POU2F1: variants seen among roughly 807,000 people sequenced by gnomAD.
The protein encoded by POU2F1 is POU class 2 homeobox 1.
POU2F1 carries 16 observed loss-of-function variants against 84.9 expected under a neutral mutation model. The observed-to-expected ratio is 0.19, with a 90% CI of 0.13 to 0.29. POU2F1 has a LOEUF of 0.29. Among genes scored for constraint, POU2F1 ranks in the 10% least tolerant of loss-of-function variants. The pLI, the probability that POU2F1 is intolerant of heterozygous loss-of-function variation, is 1.00. For missense variants in POU2F1, 738 were observed against 942.6 expected, an observed-to-expected ratio of 0.78 and a Z score of 2.84; for synonymous variants, 368 against 368.3, an observed-to-expected ratio of 1.00 and a Z score of 0.01.
chr1:167,221,302 C>G (rs1327397004), intron 1 of POU2F1, among the ~76,000 whole-genome samples: 1 of 150,712 alleles, frequency 6.6e-6, no homozygotes, highest in African/African-American at 2.4e-5. Flanking sequence ...GTGCCCGAAC[C>G]CGAGCGGGTC....
In POU2F1 at chr1:167,230,482, G is replaced by T. The variant is rs573602402; in HGVS notation, c.61+9524G>T. ...GTTCTGATTAAAATTGGATATTGGA[G>T]CAAGAAAAGCATTTTCCTCCTCCTT... On this transcript the variant is annotated intron_variant, in intron 1 of 15. Transcript: ENST00000367866. Among the ~76,000 whole-genome samples the T allele has an allele frequency of 2.0e-5, 3 of 152,198 alleles. No individual in the cohort carries two copies. The East Asian group carries it at 5.8e-4, about 29-fold the overall frequency.
At position 167,376,050 on chromosome 1, in the gene POU2F1, C is replaced by T; in HGVS notation, c.613C>T (p.Leu205Phe). The T allele has an allele frequency of 6.2e-7, 1 of 1,614,222 alleles. No homozygotes were observed. Among genetic ancestry groups the T allele is most frequent in the Non-Finnish European group, 8.5e-7 (1 of 1,180,016 alleles). ...IAQDLQQLQQ[L>F]QQQNLNLQQF... is the part of the protein sequence containing the mutation. ...TCAGGATCTTCAACAACTGCAACAG[C>T]TTCAACAGCAGAATCTCAACCTGCA... The change falls in exon 7 of 16, where the codon CTT becomes TTT. Residue 205 changes from leucine to phenylalanine, a missense_variant. Coordinates refer to ENST00000367866, the MANE Select transcript of POU2F1 (RefSeq NM_002697.4).
intron 1 of POU2F1, among the ~76,000 whole-genome samples, chr1:167,269,913 C>CA (rs34112150): frequency 0.51 from 66,382 of 129,750 alleles, 16,764 homozygotes; most frequent in East Asian, 0.71. Context: ...GTCTCTGTCT[C>CA]AAAAAAAAAA....
intron 3 of POU2F1, among the ~76,000 whole-genome samples, chr1:167,369,406 T>C (rs979335325): frequency 5.3e-5 from 8 of 152,214 alleles, no homozygotes; most frequent in African/African-American, 1.9e-4. Context: ...ATTGGAGACA[T>C]AGCTGAGAAT....
chr1:167,245,301 G>A (rs193146203), intron 1 of POU2F1, among the ~76,000 whole-genome samples: 21 of 150,902 alleles, frequency 1.4e-4, no homozygotes, highest in Admixed American at 2.0e-4. Context: ...GAATGCAAGT[G>A]GCATGATCGT....
intron 1 of POU2F1, among the ~76,000 whole-genome samples, chr1:167,230,663 T>G (rs1447791072): frequency 6.6e-6 from 1 of 152,216 alleles, no homozygotes; most frequent in Non-Finnish European, 1.5e-5. Flanking sequence ...CTGTCATACT[T>G]TCTCTGAAAT....
chr1:167,353,585 C>A (rs1277722704), intron 2 of POU2F1, among the ~76,000 whole-genome samples: 1 of 152,154 alleles, frequency 6.6e-6, no homozygotes, highest in Non-Finnish European at 1.5e-5. Flanking sequence ...ATCATCCTCA[C>A]GCTGTCCCGC....
At chr1:167,367,761 CAT>C (rs1659774384) in intron 3 of POU2F1, among the ~76,000 whole-genome samples, 1 of 151,790 alleles carries the variant, frequency 6.6e-6, no homozygotes, top group East Asian at 1.9e-4. Context: ...TTGCTTTTAC[CAT>C]ATGTGTATAT....
chr1:167,400,671 C>G (rs1649144619), intron 12 of POU2F1, among the ~76,000 whole-genome samples: 1 of 152,118 alleles, frequency 6.6e-6, no homozygotes, highest in African/African-American at 2.4e-5. Flanking sequence ...GTATGACTCC[C>G]TTGGTTTTTA....
rs1660177162 is a variant in POU2F1, at chr1:167,374,152, A to C, written c.447A>C (p.Ala149=). 1 of 1,613,946 alleles carries C rather than the reference A, an allele frequency of 6.2e-7. No homozygotes were observed. Among genetic ancestry groups the C allele is most frequent in the African/African-American group, 1.3e-5 (1 of 74,906 alleles). The stretch of plus-strand genomic sequence containing the variant: ...AGCAACAGTTACTACTCCAGCAGGC[A>C]CAGGCACAGGCACAGCTGCTGGCTG... ...PAQQQLLLQQ[A]QAQAQLLAAA... The change falls in exon 6 of 16, where the codon GCA becomes GCC. Residue 149 remains alanine, a synonymous_variant. Coordinates refer to ENST00000367866, the MANE Select transcript of POU2F1 (RefSeq NM_002697.4).
At chr1:167,322,593 C>A (rs1037425814) in intron 1 of POU2F1, among the ~76,000 whole-genome samples, 2 of 152,176 alleles carry the variant, frequency 1.3e-5, no homozygotes, top group African/African-American at 4.8e-5. Context: ...CAGAAATGCC[C>A]CGGTTTGGGC....
At chr1:167,255,000 G>C (rs750741769) in intron 1 of POU2F1, among the ~76,000 whole-genome samples, 1 of 152,216 alleles carries the variant, frequency 6.6e-6, no homozygotes, top group African/African-American at 2.4e-5. Context: ...ATCTGTTTGT[G>C]AAGCTTTTTC....
At chr1:167,270,916 A>G (rs1007227086) in intron 1 of POU2F1, among the ~76,000 whole-genome samples, 4 of 152,090 alleles carry the variant, frequency 2.6e-5, no homozygotes, top group African/African-American at 9.7e-5. Flanking sequence ...CTAATCTGAA[A>G]GCTCTACAGC....
Position 167,418,890 on chromosome 1 carries a change from G to A in POU2F1, c.*3080G>A, listed in dbSNP as rs565285595. On this transcript the variant is annotated 3_prime_UTR_variant, in exon 16 of 16. Transcript: ENST00000367866. Reference sequence around the variant, plus strand: ...GTTTAAAAGAAGAAATAATCTTTAGGAAAAGATAAATCTTTAGATAAAAAT... The same window carrying A: ...GTTTAAAAGAAGAAATAATCTTTAGAAAAAGATAAATCTTTAGATAAAAAT... The A allele has an allele frequency of 4.6e-5, 7 of 152,034 alleles. No homozygotes were observed. In the South Asian group the frequency reaches 1.0e-3, roughly 23 times the overall value. 9.4% of individuals were successfully genotyped at this position (152,034 alleles called of 1,614,324 possible).
At chr1:167,337,278 A>G (rs375080825) in intron 2 of POU2F1, among the ~76,000 whole-genome samples, 1 of 151,986 alleles carries the variant, frequency 6.6e-6, no homozygotes, top group African/African-American at 2.4e-5. Flanking sequence ...GTGAGCTGAG[A>G]TCACGCCACT....
At chr1:167,290,839 A>G (rs1361640041) in intron 1 of POU2F1, among the ~76,000 whole-genome samples, 2 of 152,208 alleles carry the variant, frequency 1.3e-5, no homozygotes, top group Admixed American at 6.5e-5. Context: ...CCAAGAGTTC[A>G]AAACTAGGCT....
intron 1 of POU2F1, among the ~76,000 whole-genome samples, chr1:167,237,746 G>GTGTGTGTGTATATATA (rs1478366181): frequency 1.4e-5 from 1 of 72,986 alleles, no homozygotes; most frequent in Non-Finnish European, 2.4e-5. Flanking sequence ...ATGTGTGTGT[G>GTGTGTGTGTATATATA]TATATATATA....
intron 1 of POU2F1, among the ~76,000 whole-genome samples, chr1:167,312,997 C>G (rs768781984): frequency 2.0e-5 from 3 of 152,156 alleles, no homozygotes; most frequent in Non-Finnish European, 2.9e-5. Flanking sequence ...TGTATAGTAG[C>G]CTGTACCATC....
intron 1 of POU2F1, among the ~76,000 whole-genome samples, chr1:167,260,645 G>A (rs1168200581): frequency 2.0e-5 from 3 of 152,096 alleles, no homozygotes; most frequent in African/African-American, 7.2e-5. Flanking sequence ...CCAAAGCTCT[G>A]TCATACAGAG....
Sources: gnomAD v4.1 joint callset for allele counts (sites outside exome capture counted in the v4.1 genomes callset) on GRCh38, gnomAD v4.1.1 for gene constraint, MANE v1.5 for transcripts, NCBI Gene and HGNC (gene_info 2026-07-23, HGNC 2026-07-21) for gene names.